Variants in PRKN observed in about 807,000 individuals in gnomAD.
PRKN encodes the protein E3 ubiquitin-protein ligase parkin.
A neutral mutation model predicts 59.5 loss-of-function variants in PRKN; 56 were observed. The observed-to-expected ratio is 0.94, with a 90% CI of 0.76 to 1.18. The LOEUF is 1.18. Ranked by LOEUF, PRKN falls within the 50% of genes most tolerant of loss-of-function variation. PRKN has a pLI of 0.00. For missense variants in PRKN, 657 were observed against 596.4 expected (o/e 1.10, Z -1.06); for synonymous variants, 250 against 222.1 (o/e 1.13, Z -1.12).
intron 4 of PRKN, among the ~76,000 whole-genome samples, chr6:162,112,003 T>A (rs1212287679): frequency 6.6e-6 from 1 of 152,236 alleles, no homozygotes. Context: ...AGCCAAGACA[T>A]GATCAGAGAG....
intron 4 of PRKN, among the ~76,000 whole-genome samples, chr6:162,062,749 T>G (rs1275161511): frequency 6.6e-6 from 1 of 152,184 alleles, no homozygotes; most frequent in Admixed American, 6.5e-5. Context: ...GTCTGGGGTA[T>G]TTTGTCATGG....
At chr6:162,683,774 CAAAA>C (rs1452469606) in intron 1 of PRKN, among the ~76,000 whole-genome samples, 1 of 151,840 alleles carries the variant, frequency 6.6e-6, no homozygotes. Context: ...AAACAGGAAA[CAAAA>C]AGACAACTTT....
intron 7 of PRKN, among the ~76,000 whole-genome samples, chr6:161,674,078 C>T (rs766241029): frequency 6.6e-6 from 1 of 151,970 alleles, no homozygotes; most frequent in South Asian, 2.1e-4. Context: ...ATAAGACTAC[C>T]TACGGAGGGA....
chr6:162,175,921 C>T (rs1046937744), intron 4 of PRKN, among the ~76,000 whole-genome samples: 2 of 152,230 alleles, frequency 1.3e-5, no homozygotes, highest in Admixed American at 1.3e-4. Context: ...AGAAGCCAGG[C>T]TGTGAGTGCT....
chr6:162,497,415 T>A (rs1004520251), intron 1 of PRKN, among the ~76,000 whole-genome samples: 1 of 152,224 alleles, frequency 6.6e-6, no homozygotes, highest in Non-Finnish European at 1.5e-5. Context: ...AACATAATTC[T>A]CCAAATTGTG....
chr6:161,633,857 A>G (rs1783407091), intron 7 of PRKN, among the ~76,000 whole-genome samples: 1 of 152,142 alleles, frequency 6.6e-6, no homozygotes, highest in African/African-American at 2.4e-5. Context: ...CTGCTCATAC[A>G]GTATGAGAAT....
intron 6 of PRKN, among the ~76,000 whole-genome samples, chr6:161,874,408 A>G (rs1794558640): frequency 1.2e-5 from 1 of 82,986 alleles, no homozygotes; most frequent in South Asian, 4.1e-4. Flanking sequence ...AAAATATTAT[A>G]TATAAAATAT....
intron 3 of PRKN, among the ~76,000 whole-genome samples, chr6:162,216,509 C>CCTGGGCGA (rs1317048048): frequency 7.3e-6 from 1 of 137,104 alleles, no homozygotes; most frequent in Non-Finnish European, 1.5e-5. Context: ...CGCAGTCCGG[C>CCTGGGCGA]CTGGGCGACA....
At chr6:161,926,977 C>T (rs1326150815) in intron 6 of PRKN, among the ~76,000 whole-genome samples, 1 of 152,020 alleles carries the variant, frequency 6.6e-6, no homozygotes, top group African/African-American at 2.4e-5. Flanking sequence ...TTTTGATAAA[C>T]AAGGCTCAGA....
intron 7 of PRKN, among the ~76,000 whole-genome samples, chr6:161,719,903 A>G (rs1417761967): frequency 1.3e-5 from 2 of 152,288 alleles, no homozygotes; most frequent in East Asian, 3.9e-4. Context: ...AAGTGCTGGG[A>G]TTATAGGCAT....
chr6:161,651,235 A>C (rs1297799743), intron 7 of PRKN, among the ~76,000 whole-genome samples: 1 of 152,220 alleles, frequency 6.6e-6, no homozygotes, highest in East Asian at 1.9e-4. Flanking sequence ...CAGGGTCAAA[A>C]TATGTAAATC....
At chr6:162,239,007 A>G (rs1778869062) in intron 3 of PRKN, among the ~76,000 whole-genome samples, 1 of 152,212 alleles carries the variant, frequency 6.6e-6, no homozygotes, top group Non-Finnish European at 1.5e-5. Flanking sequence ...CACAAAATGA[A>G]GCGCACAAGT....
chr6:162,380,496 CAT>C (rs1219127020), intron 2 of PRKN, among the ~76,000 whole-genome samples: 2 of 26,234 alleles, frequency 7.6e-5, no homozygotes, highest in Non-Finnish European at 1.4e-4. Context: ...TATATACACA[CAT>C]ATATATGTGT....
chr6:162,672,969 G>T (rs532839761), intron 1 of PRKN, among the ~76,000 whole-genome samples: 7 of 152,200 alleles, frequency 4.6e-5, no homozygotes, highest in Admixed American at 4.6e-4. Context: ...CAGTGGTCTA[G>T]CAACAGGAAT....
chr6:162,514,702 G>C (rs1777771357), intron 1 of PRKN, among the ~76,000 whole-genome samples: 1 of 152,136 alleles, frequency 6.6e-6, no homozygotes, highest in Non-Finnish European at 1.5e-5. Flanking sequence ...GGCCAAGATG[G>C]GAGGATCACT....
chr6:162,364,015 C>A (rs57190343), intron 2 of PRKN, among the ~76,000 whole-genome samples: 3 of 152,124 alleles, frequency 2.0e-5, no homozygotes, highest in African/African-American at 7.2e-5. Flanking sequence ...TCATTCCCTG[C>A]ACACAAGCTG....
At chr6:161,615,121 C>A (rs892903836) in intron 7 of PRKN, among the ~76,000 whole-genome samples, 15 of 152,064 alleles carry the variant, frequency 9.9e-5, no homozygotes, top group Non-Finnish European at 2.2e-4. Context: ...CTTTTAATAG[C>A]AAAAACTGTA....
At chr6:161,849,409 C>G (rs1321177106) in intron 6 of PRKN, among the ~76,000 whole-genome samples, 2 of 152,126 alleles carry the variant, frequency 1.3e-5, no homozygotes, top group Non-Finnish European at 2.9e-5. Context: ...AAACTAATTG[C>G]ATCTACTTTG....
At chr6:162,178,417 G>T (rs569025746) in intron 4 of PRKN, among the ~76,000 whole-genome samples, 11 of 152,170 alleles carry the variant, frequency 7.2e-5, no homozygotes, top group Non-Finnish European at 1.5e-4. Context: ...TGGCCCTGAT[G>T]CTGGGGGAAT....
Sources: gnomAD v4.1 joint callset for allele counts (sites outside exome capture counted in the v4.1 genomes callset) on GRCh38, gnomAD v4.1.1 for gene constraint, MANE v1.5 for transcripts, NCBI Gene and HGNC (gene_info 2026-07-23, HGNC 2026-07-21) for gene names.